Variants in GABPB1 observed in about 807,000 individuals in gnomAD.
GABPB1 encodes GA binding protein transcription factor subunit beta 1.
In GABPB1, 15 loss-of-function variants were observed where a neutral mutation model predicts 45.9. The ratio of observed to expected loss-of-function variants is 0.33; its 90% CI spans 0.22 to 0.50. The LOEUF (loss-of-function observed/expected upper bound fraction) is 0.50, where lower values mean the gene tolerates loss of function less well. Ranked by LOEUF, GABPB1 falls within the 20% of genes least tolerant of loss-of-function variation. The pLI, the probability that GABPB1 is intolerant of heterozygous loss-of-function variation, is 0.98. For missense variants in GABPB1, 252 were observed against 457.5 expected, an observed-to-expected ratio of 0.55 and a Z score of 4.10; for synonymous variants, 143 against 154.4, an observed-to-expected ratio of 0.93 and a Z score of 0.55.
intron 1 of GABPB1, among the ~76,000 whole-genome samples, chr15:50,315,093 T>C (rs1431674160): frequency 6.6e-6 from 1 of 152,226 alleles, no homozygotes; most frequent in Non-Finnish European, 1.5e-5. Flanking sequence ...CAAAACATGA[T>C]TTTTTTGAAA....
chr15:50,293,698 A>T (rs2046421495), intron 6 of GABPB1, among the ~76,000 whole-genome samples: 1 of 152,238 alleles, frequency 6.6e-6, no homozygotes, highest in Non-Finnish European at 1.5e-5. Flanking sequence ...GAAATTTCTA[A>T]GATCACACAC....
At chr15:50,323,920 T>C (rs1404845597) in intron 1 of GABPB1, among the ~76,000 whole-genome samples, 1 of 152,064 alleles carries the variant, frequency 6.6e-6, no homozygotes, top group Non-Finnish European at 1.5e-5. Flanking sequence ...TTTAAAAAAA[T>C]GGCTGGGTGT....
chr15:50,282,232 C>A, intron 8 of GABPB1: 1 of 450,294 alleles, frequency 2.2e-6, no homozygotes, highest in Non-Finnish European at 4.4e-6. Flanking sequence ...AACATACATA[C>A]ATACATAAAA....
At chr15:50,283,674 C>A (rs1207168141) in intron 8 of GABPB1, among the ~76,000 whole-genome samples, 1 of 152,108 alleles carries the variant, frequency 6.6e-6, no homozygotes, top group Non-Finnish European at 1.5e-5. Context: ...CCACACCCAG[C>A]TAATTTTTGT....
At chr15:50,279,559 A>C (rs1333138571) in intron 8 of GABPB1, among the ~76,000 whole-genome samples, 2 of 152,222 alleles carry the variant, frequency 1.3e-5, no homozygotes, top group African/African-American at 2.4e-5. Context: ...TCCAATGAAA[A>C]CGGTATTGTT....
intron 1 of GABPB1, among the ~76,000 whole-genome samples, chr15:50,333,938 G>A (rs2048030143): frequency 6.6e-6 from 1 of 150,916 alleles, no homozygotes. Flanking sequence ...GCTGAGGCAG[G>A]AGAATTGCTT....
Position 50,303,130 on chromosome 15 carries a change from A to C in GABPB1, c.277-7T>G. The C allele has an allele frequency of 6.3e-7, 1 of 1,578,720 alleles. No individual in the cohort carries two copies. Among genetic ancestry groups the C allele is most frequent in the Non-Finnish European group, 8.6e-7 (1 of 1,165,650 alleles). ...CATTGACATCAGCACCATGCTACAAAAATATTTCAAAGAGTTTACTAAAAT... is the reference window on the plus strand; with the variant it reads ...CATTGACATCAGCACCATGCTACAACAATATTTCAAAGAGTTTACTAAAAT... On this transcript the variant is annotated splice_region_variant and splice_polypyrimidine_tract_variant and intron_variant, in intron 3 of 8. Transcript: ENST00000380877.
At chr15:50,303,178 C>T (rs1203932052) in intron 3 of GABPB1, 55 bp from the exon 4 acceptor site, 2 of 1,364,176 alleles carry the variant, frequency 1.5e-6, no homozygotes, top group African/African-American at 2.9e-5. Flanking sequence ...ATAAAAAATT[C>T]CTGATATGAA....
intron 1 of GABPB1, 99 bp downstream of exon 1, chr15:50,354,886 A>T: frequency 4.5e-6 from 1 of 221,594 alleles, no homozygotes; most frequent in Non-Finnish European, 9.0e-6. Context: ...AATCGCGGGG[A>T]TGATCTGGGT....
intron 4 of GABPB1, 58 bp from the exon 5 acceptor site, chr15:50,301,426 T>C: frequency 7.0e-7 from 1 of 1,431,574 alleles, no homozygotes; most frequent in East Asian, 2.3e-5. Context: ...ATAGCACAAA[T>C]TCTCCATATA....
chr15:50,340,255 TA>T (rs2048301890), intron 1 of GABPB1, among the ~76,000 whole-genome samples: 1 of 152,172 alleles, frequency 6.6e-6, no homozygotes, highest in Non-Finnish European at 1.5e-5. Flanking sequence ...CTCTGAGAAA[TA>T]AATTTCTATT....
chr15:50,284,156 G>A (rs1176417631), intron 8 of GABPB1, among the ~76,000 whole-genome samples: 3 of 151,910 alleles, frequency 2.0e-5, no homozygotes, highest in African/African-American at 7.3e-5. Context: ...TAACCCCATT[G>A]GCCACCTAAG....
intron 6 of GABPB1, 140 bp downstream of exon 6, chr15:50,300,649 T>C (rs1401324759): frequency 1.7e-6 from 1 of 575,656 alleles, no homozygotes; most frequent in Non-Finnish European, 3.1e-6. Context: ...TTCACTATGT[T>C]GTCCAGGCTG....
chr15:50,309,141 CACAAG>C (rs2047044540), intron 2 of GABPB1, among the ~76,000 whole-genome samples: 1 of 151,992 alleles, frequency 6.6e-6, no homozygotes, highest in South Asian at 2.1e-4. Context: ...ATTCCATATC[CACAAG>C]ACAATACTTT....
chr15:50,343,210 T>C (rs1053478814), intron 1 of GABPB1, among the ~76,000 whole-genome samples: 10 of 152,036 alleles, frequency 6.6e-5, no homozygotes, highest in African/African-American at 2.2e-4. Context: ...GACTTAACAT[T>C]TGAAGCATAA....
chr15:50,344,093 G>T (rs2048478655), intron 1 of GABPB1, among the ~76,000 whole-genome samples: 1 of 152,172 alleles, frequency 6.6e-6, no homozygotes. Context: ...AGTGCCAGCC[G>T]CAGGGCAAAC....
chr15:50,339,797 A>T lies in GABPB1; in HGVS notation c.-1+15188T>A, dbSNP rs1204700134. Among the ~76,000 whole-genome samples, 4 of 152,184 alleles carry T rather than the reference A, an allele frequency of 2.6e-5. 1 individual carries two copies. The highest frequency in any genetic ancestry group is 6.5e-5 in the Admixed American group (1 of 15,274). On this transcript the variant is annotated intron_variant, in intron 1 of 8. Coordinates refer to ENST00000380877, the MANE Select transcript of GABPB1 (RefSeq NM_016654.5). Reference sequence around the variant, plus strand: ...TTATACCCATACACACTAAACTAAGAAGTAGTAAGGATTTGTCAGTTAGCA... The same window carrying T: ...TTATACCCATACACACTAAACTAAGTAGTAGTAAGGATTTGTCAGTTAGCA...
chr15:50,317,983 T>A (rs1174578101), intron 1 of GABPB1, among the ~76,000 whole-genome samples: 1 of 151,872 alleles, frequency 6.6e-6, no homozygotes, highest in Non-Finnish European at 1.5e-5. Flanking sequence ...CCAAGTAAAA[T>A]TTAGCATACT....
intron 1 of GABPB1, chr15:50,327,365 ATACCT>A (rs1180233414): frequency 6.6e-6 from 1 of 152,206 alleles, no homozygotes; most frequent in Non-Finnish European, 1.5e-5. Context: ...TCATTGCCTC[ATACCT>A]TACACATCAC....
Sources: allele counts gnomAD v4.1 joint callset (sites outside exome capture counted in the v4.1 genomes callset), GRCh38; gene constraint gnomAD v4.1.1; transcripts MANE v1.5; gene names NCBI Gene and HGNC (gene_info 2026-07-23, HGNC 2026-07-21).